RTN4: variants seen among roughly 807,000 people sequenced by gnomAD.
RTN4 encodes the protein reticulon-4.
RTN4 carries 32 observed loss-of-function variants against 90.4 expected under a neutral mutation model. The observed-to-expected ratio is 0.35, with a 90% CI of 0.27 to 0.48. RTN4 has a LOEUF of 0.48. Ranked by LOEUF, RTN4 falls within the 20% of genes least tolerant of loss-of-function variation. RTN4 has a pLI of 0.99. For missense variants in RTN4, 1,706 were observed against 1,430.2 expected (o/e 1.19, Z -3.11); for synonymous variants, 629 against 552.5 (o/e 1.14, Z -1.94).
chr2:54,981,985 A>T (rs1185084407), intron 5 of RTN4, among the ~76,000 whole-genome samples: 1 of 151,122 alleles, frequency 6.6e-6, no homozygotes, highest in East Asian at 1.9e-4. Flanking sequence ...ACAGAGTTTC[A>T]CTCTTGTTGC....
At chr2:55,113,454 C>G (rs1042294718), upstream of RTN4, among the ~76,000 whole-genome samples, 1 of 152,202 alleles carries the variant, frequency 6.6e-6, no homozygotes, top group Non-Finnish European at 1.5e-5. Context: ...TCCCTGGCTA[C>G]TCTGTCCTCT....
At chr2:55,098,172 G>A (rs972412028) in intron 1 of RTN4, among the ~76,000 whole-genome samples, 1 of 152,078 alleles carries the variant, frequency 6.6e-6, no homozygotes, top group Admixed American at 6.6e-5. Flanking sequence ...ACCTGTTAGA[G>A]GCAGAAGTAT....
chr2:55,045,905 C>T (rs75436505), intron 1 of RTN4, among the ~76,000 whole-genome samples: 1,739 of 152,254 alleles, frequency 0.011, 36 homozygotes, highest in African/African-American at 0.038. Context: ...GAGTTTTCTG[C>T]GCATATCCTC....
intron 3 of RTN4, among the ~76,000 whole-genome samples, chr2:54,996,419 C>A (rs1020154875): frequency 3.9e-5 from 6 of 152,122 alleles, no homozygotes; most frequent in Non-Finnish European, 8.8e-5. Flanking sequence ...AGGACTCGAA[C>A]CTCCCTATAT....
At chr2:55,136,586 G>C in the RTN4 span, among the ~76,000 whole-genome samples, 1 of 152,202 alleles carries the variant, frequency 6.6e-6, no homozygotes, top group Non-Finnish European at 1.5e-5. Context: ...TTTCGCCTGA[G>C]GCGGCAAGAA....
chr2:55,035,632 A>G (rs1682623815), intron 1 of RTN4, among the ~76,000 whole-genome samples: 1 of 152,144 alleles, frequency 6.6e-6, no homozygotes, highest in Non-Finnish European at 1.5e-5. Context: ...GATTAAAAAA[A>G]AAAATCAATG....
chr2:55,084,378 T>G (rs1668799248), intron 1 of RTN4, among the ~76,000 whole-genome samples: 1 of 151,546 alleles, frequency 6.6e-6, no homozygotes, highest in African/African-American at 2.4e-5. Context: ...TGGGCTCATG[T>G]GATCCTCCAG....
At chr2:55,134,184 G>C in the RTN4 span, among the ~76,000 whole-genome samples, 1 of 152,212 alleles carries the variant, frequency 6.6e-6, no homozygotes, top group East Asian at 1.9e-4. Flanking sequence ...CGAGCAGAGA[G>C]GACAACCAGA....
intron 2 of RTN4, among the ~76,000 whole-genome samples, chr2:55,074,773 CA>C (rs1410538407): frequency 6.6e-6 from 1 of 152,122 alleles, no homozygotes. Flanking sequence ...GATGGTTTAA[CA>C]TCTGTAAGTC....
intron 1 of RTN4, among the ~76,000 whole-genome samples, chr2:55,033,048 G>GT (rs914818899): frequency 1.0e-4 from 12 of 116,534 alleles, no homozygotes; most frequent in Admixed American, 7.7e-4. Flanking sequence ...GACTGAAGAA[G>GT]TTAAAAAAAA....
chr2:55,001,392 T>C (rs1679841918), intron 3 of RTN4, among the ~76,000 whole-genome samples: 2 of 152,230 alleles, frequency 1.3e-5, no homozygotes, highest in Non-Finnish European at 2.9e-5. Flanking sequence ...ACCAACACTA[T>C]TTGAGGAGTA....
At chr2:55,050,516 C>T (rs935849546), upstream of RTN4, 3 of 388,744 alleles carry the variant, frequency 7.7e-6, no homozygotes, top group Admixed American at 9.1e-5. The surrounding 1 kb of genome is among the most constrained non-coding windows in gnomAD (Gnocchi z 4.6). Flanking sequence ...TTGCCGCCGC[C>T]GCCCAGATGA....
At chr2:55,102,516 T>C (rs1286136295) in intron 1 of RTN4, among the ~76,000 whole-genome samples, 1 of 152,146 alleles carries the variant, frequency 6.6e-6, no homozygotes, top group Admixed American at 6.5e-5. Context: ...TTTTCACATG[T>C]CATTTTTCTT....
the RTN4 span, among the ~76,000 whole-genome samples, chr2:55,136,059 T>C: frequency 6.6e-6 from 1 of 152,166 alleles, no homozygotes; most frequent in Non-Finnish European, 1.5e-5. Context: ...TCTAAAATAA[T>C]AATTGGTCAC....
Position 55,050,068 on chromosome 2 carries a change from AG to A in RTN4, c.232del (p.Leu78Ter). 1 of 1,444,576 alleles carries A rather than the reference AG, an allele frequency of 6.9e-7. No individual in the cohort carries two copies. The highest frequency in any genetic ancestry group is 2.8e-5 in the East Asian group (1 of 35,934). 89.5% of individuals were successfully genotyped at this position (1,444,576 alleles called of 1,614,324 possible). On this transcript the variant is annotated frameshift_variant, in exon 1 of 9. Coordinates refer to ENST00000337526, the MANE Select transcript of RTN4 (RefSeq NM_020532.5). LOFTEE classifies it high-confidence loss of function. The surrounding 1 kb of genome is among the most constrained non-coding windows in gnomAD (Gnocchi z 4.6). Reference sequence around the variant, plus strand: ...CACGAAGTCATTTCCGAAGTCCATCAGGGGCGCGCCGGCGGCAGGGGCGGTG... The same window carrying A: ...CACGAAGTCATTTCCGAAGTCCATCAGGGCGCGCCGGCGGCAGGGGCGGTG... ...VPTAPAAGAPLMDFGNDFVPP... is the reference protein window; with the variant it reads ...VPTAPAAGAPXMDFGNDFVPP...
intron 1 of RTN4, among the ~76,000 whole-genome samples, chr2:55,095,122 A>G (rs1669007955): frequency 6.6e-6 from 1 of 152,172 alleles, no homozygotes. Context: ...CAGGAGTTCG[A>G]GATCAGCCTG....
chr2:55,025,740 T>C lies in RTN4; in HGVS notation c.2359A>G (p.Lys787Glu). ...ESMIEYENKEKLSALPPEGGK... is the reference protein window; with the variant it reads ...ESMIEYENKEELSALPPEGGK... ...CCCTCAGGTGGCAAAGCACTGAGTT[T>C]TTCCTTATTTTCATATTCTATCATT... is the stretch of plus-strand genomic sequence containing the variant. Residue 787 changes from lysine to glutamate, a missense_variant, in exon 3 of 9, where the codon AAA (lysine) becomes GAA (glutamate). By Grantham distance (56) the Lys-to-Glu change is moderately conservative. Coordinates refer to ENST00000337526, the MANE Select transcript of RTN4 (RefSeq NM_020532.5). 6.2e-7 allele frequency: 1 copy of C among 1,613,612 alleles called. No individual in the cohort carries two copies. Among genetic ancestry groups the C allele is most frequent in the East Asian group, 2.2e-5 (1 of 44,872 alleles).
At chr2:55,117,853 G>A in the RTN4 span, among the ~76,000 whole-genome samples, 10 of 152,188 alleles carry the variant, frequency 6.6e-5, no homozygotes, top group Non-Finnish European at 1.0e-4. Context: ...ATTCCACTAG[G>A]CAAGGGTCTC....
At chr2:55,078,013 CAG>C (rs1428770541) in intron 2 of RTN4, among the ~76,000 whole-genome samples, 2 of 150,308 alleles carry the variant, frequency 1.3e-5, no homozygotes, top group African/African-American at 4.9e-5. Context: ...TTTGGGGACT[CAG>C]GGGATTCAGG....
Sources: allele counts gnomAD v4.1 joint callset (sites outside exome capture counted in the v4.1 genomes callset), GRCh38; gene constraint gnomAD v4.1.1; non-coding constraint Gnocchi (gnomAD v3.1); transcripts MANE v1.5; gene names NCBI Gene and HGNC (gene_info 2026-07-23, HGNC 2026-07-21).